MYO3B: variants seen among roughly 807,000 people sequenced by gnomAD.
MYO3B encodes myosin IIIB.
MYO3B carries 156 observed loss-of-function variants against 174.6 expected under a neutral mutation model. The observed-to-expected ratio is 0.89, with a 90% CI of 0.78 to 1.02. The LOEUF is 1.02. Among genes scored for constraint, MYO3B ranks in the 50% least tolerant of loss-of-function variants. MYO3B has a pLI of 0.00. For missense variants in MYO3B, 1,632 were observed against 1,639.4 expected, an observed-to-expected ratio of 1.00 and a Z score of 0.08; for synonymous variants, 563 against 569.1, an observed-to-expected ratio of 0.99 and a Z score of 0.15.
chr2:170,256,012 C>A (rs1410047247), intron 7 of MYO3B, among the ~76,000 whole-genome samples: 1 of 152,164 alleles, frequency 6.6e-6, no homozygotes, highest in Non-Finnish European at 1.5e-5. Context: ...GAAGCCTGAA[C>A]AACAGATTAG....
chr2:170,629,251 A>C (rs1242645567), intron 32 of MYO3B, among the ~76,000 whole-genome samples: 2 of 152,160 alleles, frequency 1.3e-5, no homozygotes, highest in Non-Finnish European at 2.9e-5. Flanking sequence ...CTTCTGCTGG[A>C]CTGCCAGCCA....
chr2:170,653,096 A>C lies in MYO3B; in HGVS notation c.4001A>C (p.Lys1334Thr). 6.2e-7 allele frequency: 1 copy of C among 1,614,146 alleles called. No homozygotes were observed. The highest frequency in any genetic ancestry group is 8.5e-7 in the Non-Finnish European group (1 of 1,180,038). ...AHPSFFSSSS[K>T]GDSFAQH ...CCTTCCTTTTTTTCTTCATCCTCAA[A>C]AGGAGACTCTTTTGCTCAACATTAA... The change falls in exon 35 of 35, where the codon AAA (lysine) becomes ACA (threonine). Residue 1334 changes from lysine (K) to threonine (T), a missense_variant. Physicochemically the swap from Lys to Thr is moderately conservative, Grantham distance 78. Transcript: ENST00000408978.
intron 32 of MYO3B, among the ~76,000 whole-genome samples, chr2:170,558,135 A>T (rs2106245152): frequency 6.6e-6 from 1 of 152,214 alleles, no homozygotes; most frequent in African/African-American, 2.4e-5. Context: ...TCCCATCTCT[A>T]CTACAAATAC....
At chr2:170,549,616 A>G (rs1315754148) in intron 32 of MYO3B, among the ~76,000 whole-genome samples, 1 of 152,144 alleles carries the variant, frequency 6.6e-6, no homozygotes, top group Admixed American at 6.5e-5. Context: ...CTCAGGCTGT[A>G]TTTTATTCTT....
intron 7 of MYO3B, among the ~76,000 whole-genome samples, chr2:170,287,070 A>G (rs918128729): frequency 6.6e-6 from 1 of 152,102 alleles, no homozygotes; most frequent in Non-Finnish European, 1.5e-5. Context: ...CATTCTGTTT[A>G]TGGCTGAATA....
intron 7 of MYO3B, among the ~76,000 whole-genome samples, chr2:170,252,891 G>GTC (rs2093268363): frequency 6.6e-6 from 1 of 152,172 alleles, no homozygotes; most frequent in Non-Finnish European, 1.5e-5. Flanking sequence ...TTTAGGAATA[G>GTC]CAAGGAGACC....
intron 22 of MYO3B, among the ~76,000 whole-genome samples, chr2:170,414,370 G>A (rs958619802): frequency 9.2e-5 from 14 of 152,152 alleles, no homozygotes; most frequent in African/African-American, 3.4e-4. Context: ...TGCATTTTTA[G>A]TAGAGATGGG....
At chr2:170,624,923 A>G (rs184707361) in intron 32 of MYO3B, among the ~76,000 whole-genome samples, 273 of 152,250 alleles carry the variant, frequency 1.8e-3, no homozygotes, top group African/African-American at 5.3e-3. Flanking sequence ...AGCCCACTTG[A>G]TCATGGTGGA....
chr2:170,289,714 T>A (rs181443366), intron 7 of MYO3B, among the ~76,000 whole-genome samples: 1 of 152,206 alleles, frequency 6.6e-6, no homozygotes, highest in East Asian at 1.9e-4. Flanking sequence ...TTTGCTCTGA[T>A]CTTTATTATT....
At chr2:170,198,455 T>A (rs1052986200) in intron 1 of MYO3B, among the ~76,000 whole-genome samples, 4 of 152,164 alleles carry the variant, frequency 2.6e-5, no homozygotes, top group Non-Finnish European at 5.9e-5. Flanking sequence ...CTTTCTGTTT[T>A]CCTCCTTCAG....
intron 1 of MYO3B, among the ~76,000 whole-genome samples, chr2:170,191,796 T>G (rs2161913): frequency 0.89 from 135,525 of 152,154 alleles, 60,424 homozygotes; most frequent in East Asian, 1. Flanking sequence ...CAGATATTGT[T>G]ATCACTCATC....
At chr2:170,646,971 G>A in intron 32 of MYO3B, 5 of 1,265,690 alleles carry the variant, frequency 4.0e-6, no homozygotes, top group Non-Finnish European at 5.3e-6. Flanking sequence ...TTATCTTTCT[G>A]TTGTACTTCC....
chr2:170,367,604 G>A (rs1033381729), intron 8 of MYO3B, among the ~76,000 whole-genome samples: 1 of 152,136 alleles, frequency 6.6e-6, no homozygotes, highest in African/African-American at 2.4e-5. Flanking sequence ...GTTACTGACA[G>A]TATAACTACC....
At position 170,382,092 on chromosome 2, in the gene MYO3B, A is replaced by G; in HGVS notation, c.1048A>G (p.Asn350Asp). The G allele has an allele frequency of 6.2e-7, 1 of 1,613,396 alleles. No individual in the cohort carries two copies. The highest frequency in any genetic ancestry group is 8.5e-7 in the Non-Finnish European group (1 of 1,179,518). Residue 350 changes from asparagine (N) to aspartate (D), a missense_variant, in exon 10 of 35, where the codon AAC becomes GAC. By Grantham distance (23) the Asn-to-Asp change is conservative. Coordinates refer to ENST00000408978, the MANE Select transcript of MYO3B (RefSeq NM_138995.5). Reference protein sequence around the residue: ...EKYCLEDDLVNLEVLDEDTII... With the variant: ...EKYCLEDDLVDLEVLDEDTII... ...ATACTGCCTTGAGGATGATTTGGTC[A>G]ACCTAGAGGTTCTGGATGAGGTACT...
chr2:170,371,086 CA>C lies in MYO3B; in HGVS notation c.971+1710del, dbSNP rs1216078672. On this transcript the variant is annotated intron_variant, in intron 9 of 34. Coordinates refer to ENST00000408978, the MANE Select transcript of MYO3B (RefSeq NM_138995.5). ...ACAGAAAATTAGCTGGGCATAGTGGCAGGCACCTGTAATCCCAGCTGCTCGG... is the reference window on the plus strand; with the variant it reads ...ACAGAAAATTAGCTGGGCATAGTGGCGGCACCTGTAATCCCAGCTGCTCGG... Among the ~76,000 whole-genome samples the C allele has an allele frequency of 1.0e-3, 157 of 151,896 alleles. 1 individual carries two copies. Among genetic ancestry groups the C allele is most frequent in the African/African-American group, 3.7e-3 (154 of 41,424 alleles).
chr2:170,488,319 C>T (rs989480715), intron 25 of MYO3B, among the ~76,000 whole-genome samples: 16 of 150,326 alleles, frequency 1.1e-4, no homozygotes, highest in Admixed American at 5.9e-4. Flanking sequence ...TTTTTTTTAG[C>T]CTACTAGGTA....
chr2:170,182,833 T>G (rs2092418646), intron 1 of MYO3B, among the ~76,000 whole-genome samples: 1 of 151,980 alleles, frequency 6.6e-6, no homozygotes, highest in Admixed American at 6.6e-5. Flanking sequence ...CTGGTCAAAC[T>G]CCTGACCTCA....
chr2:170,193,785 A>G (rs1386033493), intron 1 of MYO3B, among the ~76,000 whole-genome samples: 4 of 152,156 alleles, frequency 2.6e-5, no homozygotes, highest in Non-Finnish European at 5.9e-5. Context: ...AAATTAACAT[A>G]CATATTTTCT....
At position 170,335,416 on chromosome 2, in the gene MYO3B, A is replaced by G. The variant is rs2093940622; in HGVS notation, c.781A>G (p.Lys261Glu). ...NPPPTLLHPE[K>E]WCEEFNHFIS... is the part of the protein sequence containing the mutation. ...TCCACCTACTTTACTTCATCCAGAA[A>G]AATGGTGTGAAGAATTCAACCACTT... The change falls in exon 8 of 35, where the codon AAA becomes GAA. Residue 261 changes from lysine (K) to glutamate (E), a missense_variant. By Grantham distance (56) the Lys-to-Glu change is moderately conservative (BLOSUM62 1). Transcript: ENST00000408978. The G allele has an allele frequency of 1.9e-6, 3 of 1,611,982 alleles. No individual in the cohort carries two copies. The African/African-American group carries it at 4.0e-5, about 22-fold the overall frequency.
Sources: gnomAD v4.1 joint callset for allele counts (sites outside exome capture counted in the v4.1 genomes callset) on GRCh38, gnomAD v4.1.1 for gene constraint, MANE v1.5 for transcripts, NCBI Gene and HGNC (gene_info 2026-07-23, HGNC 2026-07-21) for gene names.